The following MAPRE3 variants were observed in gnomAD, a reference collection of about 807,000 sequenced individuals.
MAPRE3 encodes microtubule associated protein RP/EB family member 3, also known as microtubule-associated protein RP/EB family member 3.
A neutral mutation model predicts 30.5 loss-of-function variants in MAPRE3; 2 were observed. The ratio of observed to expected loss-of-function variants is 0.07; its 90% CI spans 0.03 to 0.21. MAPRE3 has a LOEUF of 0.21. Ranked by LOEUF, MAPRE3 falls within the 10% of genes least tolerant of loss-of-function variation. The probability of loss-of-function intolerance (pLI) is 1.00; values close to 1 mark genes in which losing one functional copy is unlikely to be tolerated. For missense variants in MAPRE3, 204 were observed against 351.8 expected, an observed-to-expected ratio of 0.58 and a Z score of 3.36; for synonymous variants, 110 against 127.7, an observed-to-expected ratio of 0.86 and a Z score of 0.93.
intron 1 of MAPRE3, among the ~76,000 whole-genome samples, chr2:27,005,006 T>A (rs1666694315): frequency 1.3e-5 from 2 of 152,168 alleles, no homozygotes; most frequent in South Asian, 2.1e-4. Flanking sequence ...GATAAAAAAA[T>A]ACTTCTCTTT....
chr2:26,971,610 T>A (rs1386629253), intron 1 of MAPRE3, among the ~76,000 whole-genome samples: 4 of 151,888 alleles, frequency 2.6e-5, no homozygotes, highest in Non-Finnish European at 5.9e-5. Context: ...TGCGGAACTC[T>A]TTAAAATGCT....
chr2:26,981,584 A>G (rs1666113007), intron 1 of MAPRE3, among the ~76,000 whole-genome samples: 1 of 152,170 alleles, frequency 6.6e-6, no homozygotes, highest in Non-Finnish European at 1.5e-5. Context: ...AACCACTAAC[A>G]TTTCTTAAAG....
intron 1 of MAPRE3, among the ~76,000 whole-genome samples, chr2:27,001,759 T>C (rs1415863597): frequency 6.6e-6 from 1 of 152,212 alleles, no homozygotes; most frequent in Non-Finnish European, 1.5e-5. Context: ...AAATACAGCA[T>C]AATCTTATGG....
intron 1 of MAPRE3, among the ~76,000 whole-genome samples, chr2:26,996,683 G>A (rs558402918): frequency 5.3e-5 from 8 of 152,228 alleles, no homozygotes; most frequent in East Asian, 1.9e-4. Flanking sequence ...CCAGCTACTC[G>A]GGAGGCTGAG....
chr2:27,023,870 C>T (rs1019921906), intron 3 of MAPRE3: 8 of 543,232 alleles, frequency 1.5e-5, no homozygotes, highest in Non-Finnish European at 2.3e-5. Flanking sequence ...CCTCCCCACA[C>T]AGTTCTTCCA....
intron 1 of MAPRE3, among the ~76,000 whole-genome samples, chr2:26,977,268 G>A (rs1666031477): frequency 6.6e-6 from 1 of 152,192 alleles, no homozygotes; most frequent in Non-Finnish European, 1.5e-5. Context: ...ACTTAATTAT[G>A]ACATTTTAAA....
At chr2:26,972,341 A>G (rs758291715) in intron 1 of MAPRE3, among the ~76,000 whole-genome samples, 4 of 152,210 alleles carry the variant, frequency 2.6e-5, no homozygotes, top group Middle Eastern at 3.2e-3. Context: ...ACTTTGCTCA[A>G]TCATGGCCTA....
rs754582167 is a variant in MAPRE3 at position 26,985,505 on chromosome 2, G to T, written c.-8+14703G>T. Among the ~76,000 whole-genome samples, 1 of 152,152 alleles carries T rather than the reference G, an allele frequency of 6.6e-6. No individual in the cohort carries two copies. Among genetic ancestry groups the T allele is most frequent in the Non-Finnish European group, 1.5e-5 (1 of 68,034 alleles). Reference sequence around the variant, plus strand: ...GCCCAGACCAGTGCTGTACCATACTGCCATGGCCACAGGGCAACCACCATA... The same window carrying T: ...GCCCAGACCAGTGCTGTACCATACTTCCATGGCCACAGGGCAACCACCATA... On this transcript the variant is annotated intron_variant, in intron 1 of 6. Transcript: ENST00000233121. The surrounding 1 kb of genome is among the most constrained non-coding windows in gnomAD (Gnocchi z 4.2).
At chr2:26,990,798 C>T (rs1666320711) in intron 1 of MAPRE3, among the ~76,000 whole-genome samples, 1 of 152,110 alleles carries the variant, frequency 6.6e-6, no homozygotes, top group South Asian at 2.1e-4. Flanking sequence ...AGGGAAGAAT[C>T]AACTGCTGTT....
intron 1 of MAPRE3, among the ~76,000 whole-genome samples, chr2:26,998,903 T>A (rs926219482): frequency 6.6e-6 from 1 of 152,178 alleles, no homozygotes; most frequent in African/African-American, 2.4e-5. Flanking sequence ...GAACCTAGTA[T>A]GTGTTTATTT....
intron 3 of MAPRE3, 97 bp from the exon 4 acceptor site, chr2:27,023,999 A>C: frequency 3.3e-6 from 3 of 921,728 alleles, no homozygotes; most frequent in Non-Finnish European, 5.2e-6. Context: ...GCTGCAGCCC[A>C]GGGGCTGGCT....
chr2:27,025,591 A>G lies in MAPRE3; in HGVS notation c.478A>G (p.Arg160Gly). The G allele has an allele frequency of 6.3e-7, 1 of 1,576,288 alleles. No homozygotes were observed. The highest frequency in any genetic ancestry group is 8.6e-7 in the Non-Finnish European group (1 of 1,162,608). ...TCTTTTCCTCTGGGCAGTTCCACAG[A>G]GGACGTCCCCCACAGGCCCAAAAAA... ...KKLIGTAVPQ[R>G]TSPTGPKNMQ... Residue 160 changes from arginine to glycine, a missense_variant, in exon 5 of 7, where the codon AGG becomes GGG. Arg to Gly is a moderately radical substitution (Grantham distance 125). Coordinates refer to ENST00000233121, the MANE Select transcript of MAPRE3 (RefSeq NM_012326.4).
At chr2:27,022,733 TGTG>T (rs1234569098) in intron 2 of MAPRE3, 2 of 187,730 alleles carry the variant, frequency 1.1e-5, no homozygotes, top group African/African-American at 2.4e-5. Flanking sequence ...CCATCATATA[TGTG>T]GTTCATCGTT....
In MAPRE3 at chr2:27,026,447, C is replaced by G. The variant is rs1190361825; in HGVS notation, c.*99C>G. On this transcript the variant is annotated 3_prime_UTR_variant, in exon 7 of 7. Transcript: ENST00000233121. ...CTTTCCTAACACGGTCGGCCGGGTGCTTTGTGTCAGTGCTGCAGCACTGGG... is the reference window on the plus strand; with the variant it reads ...CTTTCCTAACACGGTCGGCCGGGTGGTTTGTGTCAGTGCTGCAGCACTGGG... The G allele has an allele frequency of 1.8e-6, 2 of 1,095,602 alleles. No homozygotes were observed. Among genetic ancestry groups the G allele is most frequent in the African/African-American group, 1.6e-5 (1 of 63,744 alleles). The allele number at this position is 1,095,602 out of a possible 1,614,324, so 67.9% of individuals were successfully genotyped here.
At chr2:27,001,851 A>C (rs1420312225) in intron 1 of MAPRE3, among the ~76,000 whole-genome samples, 2 of 152,214 alleles carry the variant, frequency 1.3e-5, no homozygotes, top group East Asian at 3.8e-4. Flanking sequence ...GGCTTCATGG[A>C]CTGTAAACAT....
At chr2:26,999,091 C>T (rs146917735) in intron 1 of MAPRE3, among the ~76,000 whole-genome samples, 1 of 152,186 alleles carries the variant, frequency 6.6e-6, no homozygotes, top group Non-Finnish European at 1.5e-5. Flanking sequence ...GGAAGAACAA[C>T]AGTCTGACTG....
At chr2:26,979,332 T>C (rs1004720347) in intron 1 of MAPRE3, among the ~76,000 whole-genome samples, 6 of 152,218 alleles carry the variant, frequency 3.9e-5, no homozygotes, top group African/African-American at 1.4e-4. Flanking sequence ...ACGCCTGTCA[T>C]ACCAACACTT....
Position 27,007,209 on chromosome 2 carries a change from A to G in MAPRE3, c.-7-15003A>G, listed in dbSNP as rs144226939. Among the ~76,000 whole-genome samples the G allele has an allele frequency of 1.7e-3, 255 of 152,314 alleles. 1 individual carries two copies. The highest frequency in any genetic ancestry group is 5.9e-3 in the African/African-American group (247 of 41,570). ...ATATCTTGCATGTACAAATAGGTAG[A>G]AAGGTTTATGCTAATTAGGTGAGCC... On this transcript the variant is annotated intron_variant, in intron 1 of 6. Transcript: ENST00000233121.
rs758271746 is a variant in MAPRE3, at chr2:27,024,176, C to T, written c.348C>T (p.Asp116=). 1.1e-5 allele frequency: 17 copies of T among 1,614,170 alleles called. No individual in the cohort carries two copies. The South Asian group carries it at 1.3e-4, about 13-fold the overall frequency. Residue 116 remains aspartate (D), a synonymous_variant, in exon 4 of 7, where the codon GAC becomes GAT. Transcript: ENST00000233121. The part of the protein sequence containing the change: ...EFIQWFKKFF[D]ANYDGKDYNP... ...TTCAGTGGTTTAAGAAATTCTTTGA[C>T]GCAAACTATGATGGAAAGGATTACA...
Sources: gnomAD v4.1 joint callset for allele counts (sites outside exome capture counted in the v4.1 genomes callset) on GRCh38, gnomAD v4.1.1 for gene constraint, Gnocchi (gnomAD v3.1) non-coding constraint, MANE v1.5 for transcripts, NCBI Gene and HGNC (gene_info 2026-07-23, HGNC 2026-07-21) for gene names.